BMAL2: variants seen among roughly 807,000 people sequenced by gnomAD.
BMAL2 encodes basic helix-loop-helix ARNT-like protein 2.
chr12:27,344,290 C>T, the BMAL2 span, among the ~76,000 whole-genome samples: 1 of 152,170 alleles, frequency 6.6e-6, no homozygotes, highest in South Asian at 2.1e-4. Flanking sequence ...ATGTCTAAAA[C>T]TGATCTTCTG....
the BMAL2 span, among the ~76,000 whole-genome samples, chr12:27,370,935 G>C: frequency 0.046 from 6,987 of 152,248 alleles, 172 homozygotes; most frequent in Non-Finnish European, 0.061. Flanking sequence ...GGTCTTTGAT[G>C]AATCTGTGGA....
chr12:27,376,332 C>G, the BMAL2 span: 1 of 1,611,562 alleles, frequency 6.2e-7, no homozygotes. Context: ...ATATTTTATC[C>G]TGCTTTTTTG....
the BMAL2 span, among the ~76,000 whole-genome samples, chr12:27,402,977 T>C: frequency 1.3e-5 from 2 of 152,222 alleles, no homozygotes; most frequent in Admixed American, 1.3e-4. Flanking sequence ...CAACTTGCTT[T>C]CCAGTAGACA....
At chr12:27,372,203 C>G in the BMAL2 span, among the ~76,000 whole-genome samples, 10 of 139,870 alleles carry the variant, frequency 7.1e-5, no homozygotes, top group Non-Finnish European at 9.0e-5. Flanking sequence ...TGCACTCCAG[C>G]CTGGGTGACA....
the BMAL2 span, chr12:27,401,256 G>C: frequency 6.2e-7 from 1 of 1,612,882 alleles, no homozygotes; most frequent in Non-Finnish European, 8.5e-7. Context: ...TTTGAAACCA[G>C]GGCAACAGCG....
chr12:27,380,374 A>G, the BMAL2 span: 1 of 1,614,182 alleles, frequency 6.2e-7, no homozygotes, highest in African/African-American at 1.3e-5. Flanking sequence ...AGTTTTAAGA[A>G]TGGCTGTTCA....
the BMAL2 span, among the ~76,000 whole-genome samples, chr12:27,349,684 T>C: frequency 1.3e-5 from 2 of 152,202 alleles, no homozygotes; most frequent in Non-Finnish European, 2.9e-5. Flanking sequence ...ACTGAATATC[T>C]GCCCAACATA....
the BMAL2 span, chr12:27,415,783 A>G: frequency 1.1e-6 from 1 of 883,046 alleles, no homozygotes; most frequent in South Asian, 1.6e-5. Flanking sequence ...CTGTATTTTT[A>G]TTAGTAGATT....
At chr12:27,357,642 G>A in the BMAL2 span, among the ~76,000 whole-genome samples, 1 of 152,092 alleles carries the variant, frequency 6.6e-6, no homozygotes, top group Non-Finnish European at 1.5e-5. Context: ...AGTCACCAAA[G>A]CAGCATGGTA....
the BMAL2 span, among the ~76,000 whole-genome samples, chr12:27,352,866 A>C: frequency 6.6e-6 from 1 of 152,220 alleles, no homozygotes; most frequent in Non-Finnish European, 1.5e-5. Context: ...GAATACAGCT[A>C]ACCAGGGAGG....
the BMAL2 span, among the ~76,000 whole-genome samples, chr12:27,356,929 C>T: frequency 1.3e-5 from 2 of 151,914 alleles, no homozygotes; most frequent in African/African-American, 2.4e-5. Context: ...CTCGAGTCCC[C>T]AAAGTCCGTT....
chr12:27,374,060 G>T, the BMAL2 span, among the ~76,000 whole-genome samples: 1 of 152,146 alleles, frequency 6.6e-6, no homozygotes, highest in Admixed American at 6.6e-5. Context: ...AAGGGTATTT[G>T]CATTTAGTAA....
At chr12:27,359,475 A>G in the BMAL2 span, among the ~76,000 whole-genome samples, 6 of 152,296 alleles carry the variant, frequency 3.9e-5, no homozygotes, top group East Asian at 9.6e-4. Context: ...TGAGCCCAGG[A>G]GTTTGAGACC....
At chr12:27,415,192 T>C in the BMAL2 span, among the ~76,000 whole-genome samples, 3 of 152,222 alleles carry the variant, frequency 2.0e-5, no homozygotes, top group Non-Finnish European at 4.4e-5. Flanking sequence ...TGTTATATAC[T>C]GAAGATTTGC....
the BMAL2 span, among the ~76,000 whole-genome samples, chr12:27,335,950 A>G: frequency 6.6e-6 from 1 of 152,212 alleles, no homozygotes; most frequent in East Asian, 1.9e-4. Flanking sequence ...TGTCCTTGTG[A>G]AATGACTCCC....
chr12:27,380,760 C>T, the BMAL2 span, among the ~76,000 whole-genome samples: 10 of 152,102 alleles, frequency 6.6e-5, no homozygotes, highest in East Asian at 1.7e-3. Context: ...TTGTAATCCC[C>T]GTACTTTGGG....
chr12:27,403,258 T>G, the BMAL2 span, among the ~76,000 whole-genome samples: 1 of 152,206 alleles, frequency 6.6e-6, no homozygotes, highest in Non-Finnish European at 1.5e-5. Flanking sequence ...CCTCAGTGAC[T>G]CTACACATTT....
chr12:27,414,619 C>T, the BMAL2 span, among the ~76,000 whole-genome samples: 3 of 152,018 alleles, frequency 2.0e-5, no homozygotes, highest in African/African-American at 7.2e-5. Context: ...AGTGGAAACA[C>T]AACATATCAA....
chr12:27,368,439 G>C, the BMAL2 span: 1 of 1,609,152 alleles, frequency 6.2e-7, no homozygotes, highest in South Asian at 1.1e-5. Flanking sequence ...CTCTAACCCA[G>C]TGAGATCTTT....
Sources: allele counts gnomAD v4.1 joint callset (sites outside exome capture counted in the v4.1 genomes callset), GRCh38; gene constraint gnomAD v4.1.1; transcripts MANE v1.5; gene names NCBI Gene and HGNC (gene_info 2026-07-23, HGNC 2026-07-21).